TOX: variants seen among roughly 807,000 people sequenced by gnomAD.
TOX encodes the protein thymocyte selection associated high mobility group box.
A neutral mutation model predicts 53.7 loss-of-function variants in TOX; 11 were observed. The observed-to-expected ratio is 0.20, with a 90% confidence interval of 0.13 to 0.34. The LOEUF (loss-of-function observed/expected upper bound fraction) is 0.34. Among genes scored for constraint, TOX ranks in the 10% least tolerant of loss-of-function variants. TOX has a pLI of 1.00. For synonymous variants in TOX, 225 were observed against 245.3 expected (o/e 0.92, Z 0.77); for missense variants, 570 against 664.6 (o/e 0.86, Z 1.56).
chr8:58,832,396 T>C (rs551804341), intron 5 of TOX, among the ~76,000 whole-genome samples: 1 of 152,092 alleles, frequency 6.6e-6, no homozygotes, highest in Non-Finnish European at 1.5e-5. Flanking sequence ...AAATGCTTAA[T>C]GTTTATAAGA....
At chr8:59,037,467 T>C (rs1803489918) in intron 1 of TOX, among the ~76,000 whole-genome samples, 1 of 152,112 alleles carries the variant, frequency 6.6e-6, no homozygotes, top group South Asian at 2.1e-4. Context: ...CTTAAAACAA[T>C]AAAAACAAAA....
chr8:58,862,357 AT>A (rs1811024484), intron 3 of TOX, among the ~76,000 whole-genome samples: 1 of 152,140 alleles, frequency 6.6e-6, no homozygotes, highest in Non-Finnish European at 1.5e-5. Flanking sequence ...TAGTCTCAAT[AT>A]TTCTAGGTAT....
chr8:58,993,944 C>T (rs1033839117), intron 1 of TOX, among the ~76,000 whole-genome samples: 17 of 145,794 alleles, frequency 1.2e-4, no homozygotes, highest in African/African-American at 3.6e-4. Flanking sequence ...AGCATAAAGA[C>T]GTTGTGAATT....
At chr8:59,098,423 TC>T (rs1761366949) in intron 1 of TOX, among the ~76,000 whole-genome samples, 1 of 151,668 alleles carries the variant, frequency 6.6e-6, no homozygotes, top group East Asian at 1.9e-4. Flanking sequence ...AGAATAAACT[TC>T]TTTTTTTTTT....
In TOX at chr8:58,999,309, T is replaced by G. The variant is rs1813645294; in HGVS notation, c.103-39301A>C. 2.0e-5 allele frequency among the ~76,000 whole-genome samples: 3 copies of G among 151,532 alleles called. No individual in the cohort carries two copies. In the South Asian group the frequency reaches 6.3e-4, roughly 32 times the overall value. ...AGCTGAAATCTGTGATCTTTAGAAT[T>G]TCAGTAAACAATTTCAGGAAAAAAA... On this transcript the variant is annotated intron_variant, in intron 1 of 8. Coordinates refer to ENST00000361421, the MANE Select transcript of TOX (RefSeq NM_014729.3).
chr8:58,864,930 C>CT (rs1811071134), intron 3 of TOX, among the ~76,000 whole-genome samples: 1 of 152,190 alleles, frequency 6.6e-6, no homozygotes, highest in Non-Finnish European at 1.5e-5. Context: ...TTTCCTTTCA[C>CT]TTTAACAGTG....
At chr8:59,103,192 C>G (rs933318675) in intron 1 of TOX, among the ~76,000 whole-genome samples, 5 of 152,048 alleles carry the variant, frequency 3.3e-5, no homozygotes, top group African/African-American at 1.2e-4. Flanking sequence ...CCAGTTTAGA[C>G]TAAGATAAAA....
chr8:59,103,393 A>G (rs1804841925), intron 1 of TOX, among the ~76,000 whole-genome samples: 1 of 152,230 alleles, frequency 6.6e-6, no homozygotes, highest in Admixed American at 6.5e-5. Flanking sequence ...CCTAGGAGCA[A>G]AGAACTATAT....
intron 6 of TOX, 148 bp downstream of exon 6, chr8:58,826,674 C>T (rs983649985): frequency 7.1e-5 from 41 of 580,754 alleles, no homozygotes; most frequent in African/African-American, 3.9e-5. Context: ...ATTTCCATAT[C>T]GTATAGCTTT....
At chr8:59,026,204 T>C (rs905938774) in intron 1 of TOX, among the ~76,000 whole-genome samples, 3 of 152,174 alleles carry the variant, frequency 2.0e-5, no homozygotes, top group African/African-American at 7.2e-5. Flanking sequence ...AATAACCGTG[T>C]ACACTTTGGA....
intron 1 of TOX, among the ~76,000 whole-genome samples, chr8:58,963,175 G>A (rs1812830321): frequency 6.6e-6 from 1 of 152,102 alleles, no homozygotes; most frequent in South Asian, 2.1e-4. Flanking sequence ...CTTTCGGTCT[G>A]GAACTACACC....
At chr8:59,004,774 T>C (rs917382965) in intron 1 of TOX, among the ~76,000 whole-genome samples, 4 of 152,196 alleles carry the variant, frequency 2.6e-5, no homozygotes, top group Non-Finnish European at 4.4e-5. Flanking sequence ...CTTAGACATC[T>C]ACACTAAACA....
chr8:58,935,353 A>G (rs948018396), intron 3 of TOX, among the ~76,000 whole-genome samples: 1 of 152,194 alleles, frequency 6.6e-6, no homozygotes, highest in African/African-American at 2.4e-5. Context: ...ATGTGAAAAT[A>G]CTAATACAAA....
chr8:59,096,502 T>C (rs1208023382), intron 1 of TOX, among the ~76,000 whole-genome samples: 2 of 152,250 alleles, frequency 1.3e-5, no homozygotes, highest in African/African-American at 4.8e-5. Flanking sequence ...TGTAGAATTT[T>C]AGAAACAATT....
intron 2 of TOX, among the ~76,000 whole-genome samples, chr8:58,950,490 C>T (rs1563398517): frequency 6.6e-6 from 1 of 152,140 alleles, no homozygotes; most frequent in Non-Finnish European, 1.5e-5. Flanking sequence ...AATCCTACTC[C>T]CAGGGAAGAA....
chr8:58,875,242 T>A (rs1811264917), intron 3 of TOX, among the ~76,000 whole-genome samples: 1 of 152,214 alleles, frequency 6.6e-6, no homozygotes, highest in Non-Finnish European at 1.5e-5. Context: ...TATTTTTTTA[T>A]AAAAATAAAA....
At chr8:59,002,148 A>G (rs1813700305) in intron 1 of TOX, among the ~76,000 whole-genome samples, 1 of 151,158 alleles carries the variant, frequency 6.6e-6, no homozygotes, top group Non-Finnish European at 1.5e-5. Flanking sequence ...CTAATTTTGT[A>G]GTTTTAGTAG....
At chr8:58,898,614 C>T (rs1585888266) in intron 3 of TOX, among the ~76,000 whole-genome samples, 2 of 152,238 alleles carry the variant, frequency 1.3e-5, no homozygotes, top group African/African-American at 4.8e-5. Context: ...AGCATTTGGG[C>T]CCAAACCAGT....
At chr8:59,054,814 GAAGA>G (rs1803859470) in intron 1 of TOX, among the ~76,000 whole-genome samples, 1 of 139,432 alleles carries the variant, frequency 7.2e-6, no homozygotes, top group South Asian at 2.3e-4. Context: ...GAGAGAGAAG[GAAGA>G]AAGAGAGAAA....
Sources: gnomAD v4.1 joint callset for allele counts (sites outside exome capture counted in the v4.1 genomes callset) on GRCh38, gnomAD v4.1.1 for gene constraint, MANE v1.5 for transcripts, NCBI Gene and HGNC (gene_info 2026-07-23, HGNC 2026-07-21) for gene names.